The following ACIN1 variants were observed in gnomAD, a reference collection of about 807,000 sequenced individuals.
The protein encoded by ACIN1 is apoptotic chromatin condensation inducer in the nucleus.
A neutral mutation model predicts 146.6 loss-of-function variants in ACIN1; 16 were observed. The observed-to-expected ratio is 0.11, with a 90% CI of 0.07 to 0.17. The LOEUF is 0.17. ACIN1 is among the 10% of genes least tolerant of loss of function. The pLI, the probability that ACIN1 is intolerant of heterozygous loss-of-function variation, is 1.00. For synonymous variants in ACIN1, 569 were observed against 582.7 expected, an observed-to-expected ratio of 0.98 and a Z score of 0.34; for missense variants, 1,357 against 1,609.3, an observed-to-expected ratio of 0.84 and a Z score of 2.68.
chr14:23,062,584 G>T, intron 14 of ACIN1, 61 bp from the exon 15 acceptor site: 5 of 1,466,890 alleles, frequency 3.4e-6, no homozygotes, highest in Non-Finnish European at 4.8e-6. Flanking sequence ...CCAATCTTTA[G>T]ATTTCCCGAG....
intron 8 of ACIN1, among the ~76,000 whole-genome samples, chr14:23,072,487 A>G (rs985999045): frequency 2.0e-5 from 3 of 152,198 alleles, no homozygotes; most frequent in African/African-American, 7.2e-5. Flanking sequence ...GCGACTGGGA[A>G]CTAAGCAGAA....
At position 23,081,776 on chromosome 14, in the gene ACIN1, C is replaced by T. The variant is rs371260204; in HGVS notation, c.497G>A (p.Gly166Glu). The T allele has an allele frequency of 1.2e-5, 20 of 1,613,062 alleles. No homozygotes were observed. Among genetic ancestry groups the T allele is most frequent in the African/African-American group, 2.7e-5 (2 of 74,896 alleles). ...TCTGACCCTAGATGATCGTCTTTCT[C>T]CTTTCCTTGGTTTCTCATCATCAGA... ...GDSDDEKPRKGERRSSRVRQA... is the reference protein window; with the variant it reads ...GDSDDEKPRKEERRSSRVRQA... The change falls in exon 5 of 19, where the codon GGA (glycine) becomes GAA (glutamate). Residue 166 changes from glycine (G) to glutamate (E), a missense_variant. Coordinates refer to ENST00000605057, the MANE Select transcript of ACIN1 (RefSeq NM_001386863.1).
intron 10 of ACIN1, among the ~76,000 whole-genome samples, 155 bp downstream of exon 10, chr14:23,065,811 C>A (rs1364272479): frequency 1.3e-5 from 2 of 152,084 alleles, no homozygotes; most frequent in Non-Finnish European, 2.9e-5. Flanking sequence ...CAAAATGAAA[C>A]CCTACATAGG....
chr14:23,060,466 G>C (rs1487191648), intron 18 of ACIN1, among the ~76,000 whole-genome samples: 1 of 151,582 alleles, frequency 6.6e-6, no homozygotes, highest in East Asian at 1.9e-4. Flanking sequence ...GCAGGGAAAT[G>C]AATTTATAAA....
intron 1 of ACIN1, chr14:23,094,646 T>A: frequency 2.4e-6 from 2 of 823,942 alleles, no homozygotes; most frequent in African/African-American, 1.8e-5. Context: ...TAGGTTGTAG[T>A]GGGATTTAAC....
intron 12 of ACIN1, 84 bp from the exon 13 acceptor site, chr14:23,063,661 T>C (rs2047359950): frequency 2.0e-6 from 3 of 1,491,608 alleles, no homozygotes; most frequent in Middle Eastern, 1.8e-4. Context: ...CCGGTAAGAG[T>C]AGCAGTCAAT....
chr14:23,072,234 G>A (rs966928591), intron 8 of ACIN1, among the ~76,000 whole-genome samples: 1 of 152,212 alleles, frequency 6.6e-6, no homozygotes, highest in Non-Finnish European at 1.5e-5. Flanking sequence ...AAGGGGGGCA[G>A]GGTTGGTGTC....
intron 4 of ACIN1, among the ~76,000 whole-genome samples, chr14:23,087,279 G>C (rs1042174095): frequency 6.6e-6 from 1 of 152,090 alleles, no homozygotes; most frequent in Non-Finnish European, 1.5e-5. Context: ...CTCCATTCAG[G>C]ACCTTAACTA....
Position 23,061,604 on chromosome 14 carries a change from G to A in ACIN1, c.3118C>T (p.Leu1040Phe), listed in dbSNP as rs1339364382. The A allele has an allele frequency of 3.9e-6, 6 of 1,540,514 alleles. No individual in the cohort carries two copies. The highest frequency in any genetic ancestry group is 3.5e-6 in the Non-Finnish European group (4 of 1,142,930). The part of the protein sequence containing the change: ...EQDELDYHRG[L>F]LVDRPSETKT... ...GTTTCAGAGGGACGGTCCACCAAGAGGCCTCGGTGATAATCCAGCTGTGGG... is the reference window on the plus strand; with the variant it reads ...GTTTCAGAGGGACGGTCCACCAAGAAGCCTCGGTGATAATCCAGCTGTGGG... Residue 1040 changes from leucine (L) to phenylalanine (F), a missense_variant, in exon 17 of 19, where the codon CTC becomes TTC. Physicochemically the swap from Leu to Phe is conservative, Grantham distance 22. Around this residue, in one of 4 missense-constraint regions of ACIN1, gnomAD observed 509 missense variants for 719.6 expected, o/e 0.71. Transcript: ENST00000605057.
At chr14:23,065,875 G>C in intron 10 of ACIN1, 91 bp downstream of exon 10, 1 of 1,210,648 alleles carries the variant, frequency 8.3e-7, no homozygotes, top group Non-Finnish European at 1.2e-6. Context: ...AGTGACCCAA[G>C]AATGCCATTG....
At position 23,079,839 on chromosome 14, in the gene ACIN1, C is replaced by T. The variant is rs2047896971; in HGVS notation, c.1496G>A (p.Gly499Asp). 2 of 1,614,074 alleles carry T rather than the reference C, an allele frequency of 1.2e-6. No individual in the cohort carries two copies. The highest frequency in any genetic ancestry group is 2.2e-5 in the South Asian group (2 of 91,084). The change falls in exon 6 of 19, where the codon GGC becomes GAC. Residue 499 changes from glycine to aspartate, a missense_variant. Gly to Asp is a moderately conservative substitution (Grantham distance 94, BLOSUM62 -1). Transcript: ENST00000605057. ...LKQPSLEQKEGRRASHTLLPS... is the reference protein window; with the variant it reads ...LKQPSLEQKEDRRASHTLLPS... Reference sequence around the variant, plus strand: ...GAGAAGGGTATGAGAAGCTCTTCTGCCTTCCTTCTGTTCCAAAGATGGCTG... The same window carrying T: ...GAGAAGGGTATGAGAAGCTCTTCTGTCTTCCTTCTGTTCCAAAGATGGCTG...
At chr14:23,081,037 A>G (rs1024649427) in intron 5 of ACIN1, among the ~76,000 whole-genome samples, 9 of 151,990 alleles carry the variant, frequency 5.9e-5, no homozygotes, top group Admixed American at 6.6e-5. Context: ...TGTAGTTTAA[A>G]TTTTAGCTTC....
Position 23,059,262 on chromosome 14 carries a change from C to T in ACIN1, c.3738G>A (p.Arg1246=). 2 of 1,610,948 alleles carry T rather than the reference C, an allele frequency of 1.2e-6. No individual in the cohort carries two copies. The highest frequency in any genetic ancestry group is 1.1e-5 in the South Asian group (1 of 91,016). The change falls in exon 19 of 19, where the codon CGG becomes CGA. Residue 1246 remains arginine, a synonymous_variant. Transcript: ENST00000605057. The part of the protein sequence containing the change: ...ERERDRGDRD[R]DRERDRERGR... Reference sequence around the variant, plus strand: ...CTCGTTCTCGGTCCCTTTCCCTATCCCGATCTCGGTCCCCCCTGTCCCGCT... The same window carrying T: ...CTCGTTCTCGGTCCCTTTCCCTATCTCGATCTCGGTCCCCCCTGTCCCGCT...
At chr14:23,082,047 T>G (rs917365588) in intron 4 of ACIN1, among the ~76,000 whole-genome samples, 3 of 152,252 alleles carry the variant, frequency 2.0e-5, no homozygotes, top group Non-Finnish European at 4.4e-5. Context: ...GGTGTGCAAG[T>G]CTAGAATATT....
intron 8 of ACIN1, among the ~76,000 whole-genome samples, chr14:23,070,696 G>A (rs2047612212): frequency 6.6e-6 from 1 of 152,168 alleles, no homozygotes; most frequent in Non-Finnish European, 1.5e-5. Context: ...CTAAGGCTCA[G>A]GAGAGGGGAA....
intron 8 of ACIN1, among the ~76,000 whole-genome samples, chr14:23,073,454 C>A (rs375571646): frequency 6.6e-6 from 1 of 152,000 alleles, no homozygotes; most frequent in Non-Finnish European, 1.5e-5. Context: ...CTGAGGTGGG[C>A]GGATCACCAG....
In ACIN1 at chr14:23,067,433, CA is replaced by C. The variant is rs1388840167; in HGVS notation, c.2266-1426del. The C allele has an allele frequency of 3.3e-5, 31 of 947,788 alleles. No homozygotes were observed. Among genetic ancestry groups the C allele is most frequent in the Non-Finnish European group, 3.5e-5 (29 of 818,452 alleles). 58.7% of individuals were successfully genotyped at this position (947,788 alleles called of 1,614,324 possible). A position where few individuals can be genotyped will look rare whatever the true frequency, so the allele number is the denominator to read the frequency against. ...TGCAATTGGTGGGGGGTTGGGTTGG[CA>C]AAAAAGGTGGGCGCACGGCGTGGTA... On this transcript the variant is annotated intron_variant, in intron 9 of 18. Transcript: ENST00000605057. This position sits in a 1 kb window ranked among gnomAD's most constrained non-coding sequence, Gnocchi z 4.6.
chr14:23,068,431 C>A lies in ACIN1; in HGVS notation c.2265+1045G>T. The A allele has an allele frequency of 1.0e-6, 1 of 985,942 alleles. No individual in the cohort carries two copies. Among genetic ancestry groups the A allele is most frequent in the Non-Finnish European group, 1.2e-6 (1 of 829,976 alleles). 61.1% of individuals were successfully genotyped at this position (985,942 alleles called of 1,614,324 possible). On this transcript the variant is annotated intron_variant, in intron 9 of 18. Transcript: ENST00000605057. This position sits in a 1 kb window ranked among gnomAD's most constrained non-coding sequence, Gnocchi z 4.3. Reference sequence around the variant, plus strand: ...CCAAATGTTTTTTGCTTGCTCAATACAAGTCTCTCCAGAACAGTGTTCTTC... The same window carrying A: ...CCAAATGTTTTTTGCTTGCTCAATAAAAGTCTCTCCAGAACAGTGTTCTTC...
Position 23,079,873 on chromosome 14 carries a change from A to G in ACIN1, c.1462T>C (p.Cys488Arg). 1.2e-6 allele frequency: 2 copies of G among 1,614,192 alleles called. No individual in the cohort carries two copies. The highest frequency in any genetic ancestry group is 1.7e-6 in the Non-Finnish European group (2 of 1,180,020). ...TGTTCCAAAGATGGCTGTTTCAGAC[A>G]TTCTTCAGTGATTCCTTTGGCCAGT... is the stretch of plus-strand genomic sequence containing the variant. ...LALAKGITEE[C>R]LKQPSLEQKE... is the part of the protein sequence containing the mutation. The change falls in exon 6 of 19, where the codon TGT becomes CGT. Residue 488 changes from cysteine to arginine, a missense_variant. Cys to Arg is a radical substitution (Grantham distance 180). This residue lies in a region of ACIN1 where 771 missense variants were observed against 746.6 expected (regional missense o/e 1.03). Transcript: ENST00000605057.
Sources: allele counts gnomAD v4.1 joint callset (sites outside exome capture counted in the v4.1 genomes callset), GRCh38; gene constraint gnomAD v4.1.1; regional missense constraint gnomAD v4.1.1; non-coding constraint Gnocchi (gnomAD v3.1); transcripts MANE v1.5; gene names NCBI Gene and HGNC (gene_info 2026-07-23, HGNC 2026-07-21).